Variants in CHL1 observed in about 807,000 individuals in gnomAD.
CHL1 encodes cell adhesion molecule L1 like.
A neutral mutation model predicts 141.9 loss-of-function variants in CHL1; 96 were observed. That is an observed-to-expected ratio of 0.68 (90% CI 0.57 to 0.80). CHL1 has a LOEUF of 0.80. Ranked by LOEUF, CHL1 falls within the 30% of genes least tolerant of loss-of-function variation. The probability of loss-of-function intolerance (pLI) is 0.00; values close to 1 mark genes in which losing one functional copy is unlikely to be tolerated. For synonymous variants in CHL1, 613 were observed against 502.2 expected (o/e 1.22, Z -2.95); for missense variants, 1,820 against 1,457.2 (o/e 1.25, Z -4.05).
At chr3:397,560 G>A (rs1325741532) in intron 24 of CHL1, among the ~76,000 whole-genome samples, 1 of 152,074 alleles carries the variant, frequency 6.6e-6, no homozygotes, top group Non-Finnish European at 1.5e-5. Context: ...GGTAAGACAA[G>A]AAGTTAACAT....
chr3:384,973 T>A (rs1707501591), intron 19 of CHL1, among the ~76,000 whole-genome samples: 1 of 152,210 alleles, frequency 6.6e-6, no homozygotes, highest in Admixed American at 6.5e-5. Context: ...TTCAGTGAAA[T>A]TAAGTTTTAC....
intron 1 of CHL1, among the ~76,000 whole-genome samples, chr3:216,134 T>C (rs1284732032): frequency 6.6e-6 from 1 of 152,158 alleles, no homozygotes; most frequent in Non-Finnish European, 1.5e-5. Context: ...AAAATACCAC[T>C]GTATTTAAAA....
At chr3:402,569 T>C (rs4002784) in intron 27 of CHL1, among the ~76,000 whole-genome samples, 136,444 of 152,196 alleles carry the variant, frequency 0.9, 62,490 homozygotes, top group East Asian at 1. Flanking sequence ...GAGTTTATAT[T>C]AAAGAAGAAA....
rs763802045 is a variant in CHL1 at position 399,085 on chromosome 3, C to T, written c.3322C>T (p.Leu1108Phe). 2 of 1,602,472 alleles carry T rather than the reference C, an allele frequency of 1.2e-6. No individual in the cohort carries two copies. The highest frequency in any genetic ancestry group is 4.5e-5 in the East Asian group (2 of 44,766). The change falls in exon 26 of 28, where the codon CTT becomes TTT. Residue 1108 changes from leucine (L) to phenylalanine (F), a missense_variant. Physicochemically the swap from Leu to Phe is conservative, Grantham distance 22. Coordinates refer to ENST00000256509, the MANE Select transcript of CHL1 (RefSeq NM_006614.4). ...WFIGLMCAIA[L>F]LTLLLLTVCF... is the part of the protein sequence containing the mutation. ...TATTGGACTGATGTGTGCGATTGCT[C>T]TTCTCACACTACTATTATTAACTGT... is the stretch of plus-strand genomic sequence containing the variant.
intron 5 of CHL1, among the ~76,000 whole-genome samples, chr3:337,171 C>T (rs1209538392): frequency 6.7e-6 from 1 of 148,320 alleles, no homozygotes; most frequent in Non-Finnish European, 1.5e-5. Context: ...AATGGGATTT[C>T]CAAACATTCT....
chr3:282,417 G>A (rs923253873), intron 2 of CHL1, among the ~76,000 whole-genome samples: 1 of 152,048 alleles, frequency 6.6e-6, no homozygotes, highest in Non-Finnish European at 1.5e-5. Context: ...ACTTTCTTTT[G>A]TATTTTCCTT....
At chr3:278,322 T>G (rs930902750) in intron 2 of CHL1, among the ~76,000 whole-genome samples, 1 of 152,238 alleles carries the variant, frequency 6.6e-6, no homozygotes, top group African/African-American at 2.4e-5. Flanking sequence ...TGAAATCATT[T>G]ACTAGTTGTT....
chr3:360,554 A>C (rs925861367), intron 12 of CHL1, 130 bp downstream of exon 12: 1 of 927,514 alleles, frequency 1.1e-6, no homozygotes, highest in Non-Finnish European at 1.6e-6. Flanking sequence ...TTCACCATAC[A>C]TTTGAGTTTT....
intron 15 of CHL1, among the ~76,000 whole-genome samples, chr3:369,510 G>C (rs529486539): frequency 6.6e-6 from 1 of 152,152 alleles, no homozygotes; most frequent in Non-Finnish European, 1.5e-5. Flanking sequence ...CTTAGACAAC[G>C]GGGTTTTCTA....
At chr3:373,682 G>C (rs1363391313) in intron 15 of CHL1, 1 of 152,368 alleles carries the variant, frequency 6.6e-6, no homozygotes, top group Non-Finnish European at 1.5e-5. Flanking sequence ...GCAGATTCCA[G>C]CTGAAAGGCT....
chr3:222,894 C>G (rs962277497), intron 1 of CHL1, among the ~76,000 whole-genome samples: 17 of 152,032 alleles, frequency 1.1e-4, no homozygotes, highest in African/African-American at 3.4e-4. Flanking sequence ...TTAGTGCCAT[C>G]CTTCATTTTT....
At position 284,409 on chromosome 3, in the gene CHL1, T is replaced by C. The variant is rs764579877; in HGVS notation, c.-94-35274T>C. ...ATTTGGTGGCATATCAACTTGCTTCTCTACCCATATTTGTGAAAAACACCA... is the reference window on the plus strand; with the variant it reads ...ATTTGGTGGCATATCAACTTGCTTCCCTACCCATATTTGTGAAAAACACCA... On this transcript the variant is annotated intron_variant, in intron 2 of 27. Transcript: ENST00000256509. Among the ~76,000 whole-genome samples, 180 of 152,352 alleles carry C rather than the reference T, an allele frequency of 1.2e-3. 2 individuals carry two copies. Among genetic ancestry groups the C allele is most frequent in the Non-Finnish European group, 1.2e-3 (80 of 68,022 alleles).
intron 10 of CHL1, among the ~76,000 whole-genome samples, chr3:352,409 A>G (rs180730302): frequency 1.2e-4 from 18 of 152,306 alleles, no homozygotes; most frequent in Non-Finnish European, 2.2e-4. Flanking sequence ...CTTGCTTAAT[A>G]TATAGTCCCA....
chr3:351,666 C>A (rs1364468613), intron 10 of CHL1, among the ~76,000 whole-genome samples: 2 of 151,932 alleles, frequency 1.3e-5, no homozygotes, highest in Non-Finnish European at 2.9e-5. Context: ...CTGAAAACAC[C>A]CATTGTGCTT....
intron 1 of CHL1, among the ~76,000 whole-genome samples, chr3:234,181 A>ATG (rs111733326): frequency 1.4e-5 from 2 of 143,354 alleles, no homozygotes; most frequent in African/African-American, 2.5e-5. Flanking sequence ...TATTAGGTAT[A>ATG]TGTGTGTGTG....
In CHL1 at chr3:285,838, GA is replaced by G. The variant is rs201381488; in HGVS notation, c.-94-33835del. ...GCTTTCTATGATCACTGCTAATTAT[GA>G]AAAAAAAAATGTGCCTGCCTTGATG... On this transcript the variant is annotated intron_variant, in intron 2 of 27. Transcript: ENST00000256509. Among the ~76,000 whole-genome samples, 60 of 148,514 alleles carry G rather than the reference GA, an allele frequency of 4.0e-4. 1 individual carries two copies. The Middle Eastern group carries it at 0.01, about 26-fold the overall frequency.
chr3:365,860 G>A, intron 14 of CHL1, 90 bp from the exon 15 acceptor site: 5 of 923,542 alleles, frequency 5.4e-6, no homozygotes, highest in South Asian at 4.9e-5. Context: ...GACAGTTATG[G>A]TGACAATTTG....
At chr3:251,160 AG>A (rs2125138523) in intron 2 of CHL1, among the ~76,000 whole-genome samples, 1 of 152,238 alleles carries the variant, frequency 6.6e-6, no homozygotes, top group Admixed American at 6.5e-5. Flanking sequence ...AAACTAAACC[AG>A]AAAGTAAGAC....
At chr3:358,771 T>A (rs1226218490) in intron 11 of CHL1, among the ~76,000 whole-genome samples, 1 of 151,898 alleles carries the variant, frequency 6.6e-6, no homozygotes, top group African/African-American at 2.4e-5. Context: ...TTTCAATATG[T>A]AGTATTCATG....
Sources: gnomAD v4.1 joint callset for allele counts (sites outside exome capture counted in the v4.1 genomes callset) on GRCh38, gnomAD v4.1.1 for gene constraint, MANE v1.5 for transcripts, NCBI Gene and HGNC (gene_info 2026-07-23, HGNC 2026-07-21) for gene names.